The following NOX4 variants were observed in gnomAD, a reference collection of about 807,000 sequenced individuals.
NOX4 encodes the protein kidney oxidase-1.
Under a neutral mutation model 87.6 loss-of-function variants are expected in NOX4, and 69 were observed. The ratio of observed to expected loss-of-function variants is 0.79; its 90% CI spans 0.65 to 0.96. The LOEUF (loss-of-function observed/expected upper bound fraction) is 0.96. Among genes scored for constraint, NOX4 ranks in the 40% least tolerant of loss-of-function variants. The pLI, the probability that NOX4 is intolerant of heterozygous loss-of-function variation, is 0.00. For synonymous variants in NOX4, 275 were observed against 238.2 expected (o/e 1.15, Z -1.42); for missense variants, 680 against 681.5 (o/e 1.00, Z 0.02).
chr11:89,391,668 G>T (rs1294164918), intron 11 of NOX4, among the ~76,000 whole-genome samples: 1 of 149,758 alleles, frequency 6.7e-6, no homozygotes, highest in Non-Finnish European at 1.5e-5. Flanking sequence ...CTAAACCCAG[G>T]TGTCCAAGTT....
intron 2 of NOX4, among the ~76,000 whole-genome samples, chr11:89,479,231 A>G (rs1370340725): frequency 6.6e-6 from 1 of 152,178 alleles, no homozygotes; most frequent in Admixed American, 6.5e-5. Context: ...CACGTAAAGG[A>G]AGACATATTG....
At chr11:89,435,680 T>A (rs1944049884) in intron 6 of NOX4, among the ~76,000 whole-genome samples, 1 of 152,082 alleles carries the variant, frequency 6.6e-6, no homozygotes, top group South Asian at 2.1e-4. Flanking sequence ...AATAGTTTAC[T>A]TCAGTCATTT....
At chr11:89,359,326 G>A (rs529086331) in intron 12 of NOX4, among the ~76,000 whole-genome samples, 1 of 150,682 alleles carries the variant, frequency 6.6e-6, no homozygotes, top group East Asian at 2.0e-4. Context: ...ACCCCAATAT[G>A]CAGAATATAC....
chr11:89,455,965 G>A (rs1157331060), intron 2 of NOX4, among the ~76,000 whole-genome samples: 2 of 151,890 alleles, frequency 1.3e-5, no homozygotes, highest in Non-Finnish European at 2.9e-5. Flanking sequence ...ACAGGTACAT[G>A]AACACAGTAC....
chr11:89,327,841 A>G (rs758486351), intron 17 of NOX4, among the ~76,000 whole-genome samples: 1 of 152,084 alleles, frequency 6.6e-6, no homozygotes, highest in African/African-American at 2.4e-5. Flanking sequence ...ACTTGCAGCC[A>G]TGATGGGGTA....
the NOX4 span, among the ~76,000 whole-genome samples, chr11:89,571,372 C>G: frequency 1.3e-5 from 2 of 151,220 alleles, no homozygotes; most frequent in East Asian, 1.9e-4. Context: ...TGTCGACTCA[C>G]TCCAACCTCC....
chr11:89,564,594 G>A, the NOX4 span, among the ~76,000 whole-genome samples: 2 of 151,964 alleles, frequency 1.3e-5, no homozygotes, highest in Admixed American at 1.3e-4. Context: ...TGGGTAACTG[G>A]GTAGCCTTTT....
intron 17 of NOX4, among the ~76,000 whole-genome samples, chr11:89,328,267 G>A (rs545412465): frequency 3.3e-5 from 5 of 152,144 alleles, no homozygotes; most frequent in Non-Finnish European, 7.4e-5. Flanking sequence ...AGATATCAGA[G>A]ATCAACAGGA....
intron 4 of NOX4, among the ~76,000 whole-genome samples, chr11:89,445,764 T>G (rs1944676063): frequency 6.6e-6 from 1 of 152,014 alleles, no homozygotes; most frequent in Non-Finnish European, 1.5e-5. Flanking sequence ...ATAAAACTCC[T>G]CAAAGGATAC....
At chr11:89,364,202 A>G (rs1169289154) in intron 12 of NOX4, among the ~76,000 whole-genome samples, 1 of 152,020 alleles carries the variant, frequency 6.6e-6, no homozygotes, top group Non-Finnish European at 1.5e-5. Flanking sequence ...AGCTATGATT[A>G]TGCTACTGCA....
the NOX4 span, among the ~76,000 whole-genome samples, chr11:89,563,937 C>T: frequency 9.9e-5 from 15 of 152,092 alleles, no homozygotes; most frequent in Non-Finnish European, 4.4e-5. Context: ...CAATTTTCAG[C>T]TTTTATTCCT....
intron 7 of NOX4, among the ~76,000 whole-genome samples, chr11:89,429,173 C>T (rs1048660056): frequency 1.3e-5 from 2 of 152,126 alleles, no homozygotes; most frequent in Non-Finnish European, 2.9e-5. Flanking sequence ...AGAAAAAAGA[C>T]ACAACATACC....
chr11:89,497,333 A>G (rs2135508669), intron 1 of NOX4, among the ~76,000 whole-genome samples: 1 of 152,308 alleles, frequency 6.6e-6, no homozygotes, highest in South Asian at 2.1e-4. Context: ...TATTCTTAAT[A>G]CCCGAATCCA....
chr11:89,580,055 C>G, the NOX4 span, among the ~76,000 whole-genome samples: 1 of 152,012 alleles, frequency 6.6e-6, no homozygotes, highest in South Asian at 2.1e-4. Context: ...AAATGTAGCT[C>G]TAGAGAAGAT....
chr11:89,568,143 T>C, the NOX4 span, among the ~76,000 whole-genome samples: 1 of 152,088 alleles, frequency 6.6e-6, no homozygotes, highest in African/African-American at 2.4e-5. Context: ...CAGCTGAGCC[T>C]GGCCCCCCGT....
chr11:89,416,512 T>C (rs1036335419), intron 8 of NOX4, among the ~76,000 whole-genome samples: 3 of 152,138 alleles, frequency 2.0e-5, no homozygotes, highest in Non-Finnish European at 2.9e-5. Flanking sequence ...CCTCTAACAG[T>C]ATATCCTTAA....
At chr11:89,430,576 C>G (rs1943723720) in intron 7 of NOX4, among the ~76,000 whole-genome samples, 1 of 151,984 alleles carries the variant, frequency 6.6e-6, no homozygotes, top group Non-Finnish European at 1.5e-5. Context: ...AAACAGAGAG[C>G]CAAATCATGA....
intron 2 of NOX4, among the ~76,000 whole-genome samples, chr11:89,474,458 CAAAAAAAA>C (rs67342388): frequency 1.3e-4 from 13 of 97,044 alleles, no homozygotes; most frequent in Admixed American, 3.4e-4. Context: ...TCTATAATAC[CAAAAAAAA>C]AAAAAAAAAA....
chr11:89,368,497 G>T (rs1430417411), intron 12 of NOX4, among the ~76,000 whole-genome samples: 1 of 152,056 alleles, frequency 6.6e-6, no homozygotes, highest in Admixed American at 6.6e-5. Context: ...GTGCCTTACT[G>T]CTGTGTCCTT....
Sources: allele counts gnomAD v4.1 joint callset (sites outside exome capture counted in the v4.1 genomes callset), GRCh38; gene constraint gnomAD v4.1.1; transcripts MANE v1.5; gene names NCBI Gene and HGNC (gene_info 2026-07-23, HGNC 2026-07-21).